HDAC10: variants seen among roughly 807,000 people sequenced by gnomAD.
HDAC10 encodes histone deacetylase 10.
In HDAC10, 90 loss-of-function variants were observed where a neutral mutation model predicts 82.3. The ratio of observed to expected loss-of-function variants is 1.09; its 90% CI spans 0.92 to 1.30. HDAC10 has a LOEUF of 1.30. HDAC10 is among the 50% of genes most tolerant of loss of function. The pLI is 0.00. For synonymous variants in HDAC10, 456 were observed against 391.7 expected (o/e 1.16, Z -1.94); for missense variants, 934 against 876.3 (o/e 1.07, Z -0.83).
chr22:50,249,047 A>G lies in HDAC10; in HGVS notation c.756+56T>C. 1.3e-6 allele frequency: 2 copies of G among 1,494,308 alleles called. No individual in the cohort carries two copies. The highest frequency in any genetic ancestry group is 1.8e-6 in the Non-Finnish European group (2 of 1,092,762). The allele number at this position is 1,494,308 out of a possible 1,614,324, so 92.6% of individuals were successfully genotyped here. On this transcript the variant is annotated intron_variant, in intron 8 of 19. Coordinates refer to ENST00000216271, the MANE Select transcript of HDAC10 (RefSeq NM_032019.6). This position sits in a 1 kb window ranked among gnomAD's most constrained non-coding sequence, Gnocchi z 4.4. ...CCTCCTGCCTTCACTGGCGCACTCC[A>G]GGCACAAGGTCCCCCTCCCACCCGG...
chr22:50,250,365 G>C, intron 3 of HDAC10, 62 bp downstream of exon 3: 2 of 1,511,500 alleles, frequency 1.3e-6, no homozygotes, highest in Non-Finnish European at 1.8e-6. Context: ...GGCCGTGGCT[G>C]TGAACGCTCA....
chr22:50,246,805 T>G, intron 15 of HDAC10, 70 bp from the exon 16 acceptor site: 1 of 1,600,882 alleles, frequency 6.2e-7, no homozygotes, highest in Admixed American at 1.7e-5. Flanking sequence ...CTCTCTGTGC[T>G]TGGCCAGCCA....
At chr22:50,246,418 C>T (rs767654129) in intron 16 of HDAC10, 42 bp from the exon 17 acceptor site, 3 of 1,521,368 alleles carry the variant, frequency 2.0e-6, no homozygotes, top group African/African-American at 2.7e-5. Context: ...CCTGCTCACC[C>T]TCCTGAGCCC....
At position 50,249,013 on chromosome 22, in the gene HDAC10, C is replaced by G; in HGVS notation, c.756+90G>C. The G allele has an allele frequency of 6.9e-7, 1 of 1,439,190 alleles. No homozygotes were observed. Among genetic ancestry groups the G allele is most frequent in the Non-Finnish European group, 9.6e-7 (1 of 1,043,660 alleles). The allele number at this position is 1,439,190 out of a possible 1,614,324, so 89.2% of individuals were successfully genotyped here. A position where few individuals can be genotyped will look rare whatever the true frequency, so the allele number is the denominator to read the frequency against. On this transcript the variant is annotated intron_variant, in intron 8 of 19. Coordinates refer to ENST00000216271, the MANE Select transcript of HDAC10 (RefSeq NM_032019.6). The surrounding 1 kb of genome is among the most constrained non-coding windows in gnomAD (Gnocchi z 4.4). ...CCAGCCACACAGGAGTGGGACAGCTCATAACCCTCCTCCTGCCTTCACTGG... is the reference window on the plus strand; with the variant it reads ...CCAGCCACACAGGAGTGGGACAGCTGATAACCCTCCTCCTGCCTTCACTGG...
rs1369304799 is a variant in HDAC10, at chr22:50,250,830, C to G, written c.135G>C (p.Gln45His). 3.1e-6 allele frequency: 5 copies of G among 1,603,690 alleles called. No individual in the cohort carries two copies. Among genetic ancestry groups the G allele is most frequent in the African/African-American group, 1.3e-5 (1 of 74,840 alleles). Residue 45 changes from glutamine (Q) to histidine (H), a missense_variant, in exon 2 of 20, where the codon CAG becomes CAC. Gln to His is a conservative substitution (Grantham distance 24, BLOSUM62 0). Transcript: ENST00000216271. ...LDRLRQRGLEQRCLRLSAREA... is the reference protein window; with the variant it reads ...LDRLRQRGLEHRCLRLSAREA... The stretch of plus-strand genomic sequence containing the variant: ...CGCGGGCTGACAACCGCAGACACCT[C>G]TGTTCCAGGCCGCGCTGCCGCAGGC...
intron 14 of HDAC10, chr22:50,247,196 TG>T: frequency 2.3e-6 from 1 of 439,966 alleles, no homozygotes; most frequent in Non-Finnish European, 4.0e-6. Context: ...TGGCGTGCAG[TG>T]GCGCAATTGT....
In HDAC10 at chr22:50,246,957, C is replaced by G; in HGVS notation, c.1432G>C (p.Gly478Arg). The change falls in exon 15 of 20, where the codon GGT (glycine) becomes CGT (arginine). Residue 478 changes from glycine to arginine, a missense_variant. Physicochemically the swap from Gly to Arg is moderately radical, Grantham distance 125. Transcript: ENST00000216271. Reference protein sequence around the residue: ...DGMLDGQVNSGIAATPASAAA... With the variant: ...DGMLDGQVNSRIAATPASAAA... Reference sequence around the variant, plus strand: ...GCAGAGGCTGGAGTGGCTGCTATACCACTGTTCACCTGTGGGATGAATAAA... The same window carrying G: ...GCAGAGGCTGGAGTGGCTGCTATACGACTGTTCACCTGTGGGATGAATAAA... 1.9e-6 allele frequency: 3 copies of G among 1,605,512 alleles called. No individual in the cohort carries two copies. The highest frequency in any genetic ancestry group is 2.6e-6 in the Non-Finnish European group (3 of 1,175,320).
intron 19 of HDAC10, 70 bp from the exon 20 acceptor site, chr22:50,245,600 G>C: frequency 6.3e-7 from 1 of 1,588,614 alleles, no homozygotes; most frequent in Non-Finnish European, 8.6e-7. Context: ...GCACTCCCCT[G>C]CCCTGCCCTC....
chr22:50,250,779 C>G lies in HDAC10; in HGVS notation c.186G>C (p.Leu62=). 6.3e-7 allele frequency: 1 copy of G among 1,598,368 alleles called. No individual in the cohort carries two copies. Among genetic ancestry groups the G allele is most frequent in the Non-Finnish European group, 8.5e-7 (1 of 1,173,566 alleles). ...CCTGCCCCCGTCCTGACCTGTGCAC[C>G]AGGCCCAGCTCCTCTTCCGAGGCCT... ...AREASEEELG[L]VHSPEYVSLV... The change falls in exon 2 of 20, where the codon CTG becomes CTC. Residue 62 remains leucine, a synonymous_variant. Transcript: ENST00000216271.
In HDAC10 at chr22:50,248,272, C is replaced by T. The variant is rs2065002999; in HGVS notation, c.1034G>A (p.Ser345Asn). ...GTGCGGGGCCTGGGCAGCACGGGCA[C>T]TCTGGATGGACTCTAGGGCACTGTG... ...PCQSALESIQ[S>N]ARAAQAPHWK... is the part of the protein sequence containing the mutation. Residue 345 changes from serine (S) to asparagine (N), a missense_variant, in exon 12 of 20, where the codon AGT becomes AAT. Ser to Asn is a conservative substitution (Grantham distance 46). Coordinates refer to ENST00000216271, the MANE Select transcript of HDAC10 (RefSeq NM_032019.6). The surrounding 1 kb of genome is among the most constrained non-coding windows in gnomAD (Gnocchi z 5.4). 1 of 1,612,556 alleles carries T rather than the reference C, an allele frequency of 6.2e-7. No individual in the cohort carries two copies. The highest frequency in any genetic ancestry group is 1.3e-5 in the African/African-American group (1 of 75,018).
chr22:50,248,949 G>C lies in HDAC10; in HGVS notation c.757-59C>G. ...GAGAGGGGCTGGAGCCCAGGTGAGGGCGAGCCAGGCCCATCCCATCCCCTC... is the reference window on the plus strand; with the variant it reads ...GAGAGGGGCTGGAGCCCAGGTGAGGCCGAGCCAGGCCCATCCCATCCCCTC... On this transcript the variant is annotated intron_variant, in intron 8 of 19. Coordinates refer to ENST00000216271, the MANE Select transcript of HDAC10 (RefSeq NM_032019.6). This position sits in a 1 kb window ranked among gnomAD's most constrained non-coding sequence, Gnocchi z 5.4. The C allele has an allele frequency of 6.4e-7, 1 of 1,556,452 alleles. No homozygotes were observed. Among genetic ancestry groups the C allele is most frequent in the Non-Finnish European group, 8.8e-7 (1 of 1,142,358 alleles).
chr22:50,245,511 G>C lies in HDAC10; in HGVS notation c.2006C>G (p.Ala669Gly), dbSNP rs749748676. The C allele has an allele frequency of 1.1e-6, 1 of 886,160 alleles. No individual in the cohort carries two copies. The highest frequency in any genetic ancestry group is 1.9e-6 in the Non-Finnish European group (1 of 517,980). The allele number at this position is 886,160 out of a possible 1,614,324, so 54.9% of individuals were successfully genotyped here. The change falls in exon 20 of 20, where the codon GCT becomes GGT. Residue 669 changes from alanine to glycine, a missense_variant. Transcript: ENST00000216271. ...KMLQCHPHLV[A>G] The stretch of plus-strand genomic sequence containing the variant: ...ATGCTCCCACCTTGGCCGATTTCAA[G>C]CCACCAGGTGAGGATGGCACTACAG...
At position 50,250,808 on chromosome 22, in the gene HDAC10, G is replaced by C; in HGVS notation, c.157C>G (p.Arg53Gly). ...LEQRCLRLSA[R>G]EASEEELGLV... ...CCCAGCTCCTCTTCCGAGGCCTCGC[G>C]GGCTGACAACCGCAGACACCTCTGT... Residue 53 changes from arginine (R) to glycine (G), a missense_variant, in exon 2 of 20, where the codon CGC becomes GGC. By Grantham distance (125) the Arg-to-Gly change is moderately radical (BLOSUM62 -2). Coordinates refer to ENST00000216271, the MANE Select transcript of HDAC10 (RefSeq NM_032019.6). 6.2e-7 allele frequency: 1 copy of C among 1,603,606 alleles called. No homozygotes were observed. The highest frequency in any genetic ancestry group is 8.5e-7 in the Non-Finnish European group (1 of 1,176,460).
intron 1 of HDAC10, 30 bp from the exon 2 acceptor site, chr22:50,250,935 G>A (rs1351931997): frequency 2.5e-6 from 4 of 1,609,342 alleles, no homozygotes; most frequent in East Asian, 4.5e-5. Context: ...CAGTTCAGAG[G>A]TCCCTCCCCG....
intron 13 of HDAC10, 34 bp from the exon 14 acceptor site, chr22:50,247,810 C>T (rs1279448649): frequency 3.7e-6 from 6 of 1,612,652 alleles, no homozygotes; most frequent in Middle Eastern, 1.6e-4. Flanking sequence ...CACACAGACA[C>T]GGAGTGACCG....
rs1476145410 is a variant in HDAC10, at chr22:50,245,529, C to G, written c.1988G>C (p.Cys663Ser). 1 of 957,968 alleles carries G rather than the reference C, an allele frequency of 1.0e-6. No homozygotes were observed. Among genetic ancestry groups the G allele is most frequent in the Non-Finnish European group, 1.7e-6 (1 of 582,740 alleles). The allele number at this position is 957,968 out of a possible 1,614,324, so 59.3% of individuals were successfully genotyped here. ...ATTTCAAGCCACCAGGTGAGGATGG[C>G]ACTACAGGAGGAGCCGAGAAGAGGC... ...QLEPQWKMLQ[C>S]HPHLVA Residue 663 changes from cysteine to serine, a missense_variant and splice_region_variant, in exon 20 of 20, where the codon TGC becomes TCC. Physicochemically the swap from Cys to Ser is moderately radical, Grantham distance 112 (BLOSUM62 -1). Coordinates refer to ENST00000216271, the MANE Select transcript of HDAC10 (RefSeq NM_032019.6).
In HDAC10 at chr22:50,248,384, G is replaced by C. The variant is rs772619629; in HGVS notation, c.995C>G (p.Pro332Arg). The C allele has an allele frequency of 1.2e-6, 2 of 1,610,024 alleles. No homozygotes were observed. The highest frequency in any genetic ancestry group is 1.7e-6 in the Non-Finnish European group (2 of 1,179,884). The change falls in exon 11 of 20, where the codon CCA becomes CGA. Residue 332 changes from proline (P) to arginine (R), a missense_variant. Transcript: ENST00000216271. The surrounding 1 kb of genome is among the most constrained non-coding windows in gnomAD (Gnocchi z 5.4). The part of the protein sequence containing the change: ...LGDPAPPLSG[P>R]MAPCQSALES... Reference sequence around the variant, plus strand: ...CTCGCACCTCTGACATGGCGCCATTGGCCCTGACAGGGGTGGGGCCGGGTC... The same window carrying C: ...CTCGCACCTCTGACATGGCGCCATTCGCCCTGACAGGGGTGGGGCCGGGTC...
chr22:50,250,409 G>A lies in HDAC10; in HGVS notation c.291+18C>T. The A allele has an allele frequency of 6.2e-7, 1 of 1,608,366 alleles. No individual in the cohort carries two copies. On this transcript the variant is annotated intron_variant, in intron 3 of 19. Coordinates refer to ENST00000216271, the MANE Select transcript of HDAC10 (RefSeq NM_032019.6). ...TGCATGTGTGTCTGCACAGGTGAGTGTGTCCGGGGACACGCACCGGGTGGA... is the reference window on the plus strand; with the variant it reads ...TGCATGTGTGTCTGCACAGGTGAGTATGTCCGGGGACACGCACCGGGTGGA...
Position 50,249,960 on chromosome 22 carries a change from G to A in HDAC10, c.394C>T (p.Pro132Ser), listed in dbSNP as rs1228769869. ...GCCGCCCTCTGGCCATGGTGCCCGG[G>A]AGGCCTACGGCGTGAGAGTAGGATT... ...VQNGLALVRPPGHHGQRAAAN... is the reference protein window; with the variant it reads ...VQNGLALVRPSGHHGQRAAAN... Residue 132 changes from proline (P) to serine (S), a missense_variant, in exon 5 of 20, where the codon CCC becomes TCC. Physicochemically the swap from Pro to Ser is moderately conservative, Grantham distance 74 (BLOSUM62 -1). Transcript: ENST00000216271. The surrounding 1 kb of genome is among the most constrained non-coding windows in gnomAD (Gnocchi z 4.4). The A allele has an allele frequency of 6.2e-7, 1 of 1,612,646 alleles. No individual in the cohort carries two copies. The highest frequency in any genetic ancestry group is 1.7e-5 in the Admixed American group (1 of 60,008).
Sources: allele counts gnomAD v4.1 joint callset, GRCh38; gene constraint gnomAD v4.1.1; non-coding constraint Gnocchi (gnomAD v3.1); transcripts MANE v1.5; gene names NCBI Gene and HGNC (gene_info 2026-07-23, HGNC 2026-07-21).